Variants in HK3 observed in about 807,000 individuals in gnomAD.
HK3 encodes hexokinase 3.
In HK3, 93 loss-of-function variants were observed where a neutral mutation model predicts 91.0. The observed-to-expected ratio is 1.02, with a 90% CI of 0.86 to 1.21. The LOEUF is 1.21. Among genes scored for constraint, HK3 ranks in the 50% most tolerant of loss-of-function variants. The pLI is 0.00. For missense variants in HK3, 1,235 were observed against 1,247.4 expected (o/e 0.99, Z 0.15); for synonymous variants, 519 against 516.9 (o/e 1.00, Z -0.06).
rs759553780 is a variant in HK3, at chr5:176,889,458, A to T, written c.837T>A (p.Asp279Glu). 9.9e-6 allele frequency: 16 copies of T among 1,614,196 alleles called. No individual in the cohort carries two copies. The highest frequency in any genetic ancestry group is 1.3e-5 in the Non-Finnish European group (15 of 1,180,036). The part of the protein sequence containing the change: ...CVSVEWGSFS[D>E]DGALGPVLTT... ...TCAGCACTGGTCCCAGCGCCCCATCATCGCTGAAGGAGCCCCACTCGACGC... is the reference window on the plus strand; with the variant it reads ...TCAGCACTGGTCCCAGCGCCCCATCTTCGCTGAAGGAGCCCCACTCGACGC... The change falls in exon 8 of 19, where the codon GAT becomes GAA. Residue 279 changes from aspartate (D) to glutamate (E), a missense_variant. Asp to Glu is a conservative substitution (Grantham distance 45). Transcript: ENST00000292432.
chr5:176,892,506 G>GC (rs1013536889), intron 2 of HK3, among the ~76,000 whole-genome samples: 3 of 152,068 alleles, frequency 2.0e-5, no homozygotes, highest in East Asian at 3.9e-4. Context: ...TAGCTTAAGA[G>GC]CCCCAGGGAC....
rs1043518863 is a variant in HK3, at chr5:176,881,020, C to T, written c.*53G>A. ...GCCTGGCTGGGAAACAGGCAGACCC[C>T]GACCCGGCTCCAGCAAGGCTGCGGC... On this transcript the variant is annotated 3_prime_UTR_variant, in exon 19 of 19. Coordinates refer to ENST00000292432, the MANE Select transcript of HK3 (RefSeq NM_002115.3). The T allele has an allele frequency of 3.1e-5, 48 of 1,530,718 alleles. No individual in the cohort carries two copies. Among genetic ancestry groups the T allele is most frequent in the Non-Finnish European group, 4.2e-5 (48 of 1,140,810 alleles). 94.8% of individuals were successfully genotyped at this position (1,530,718 alleles called of 1,614,324 possible).
chr5:176,881,999 T>A lies in HK3; in HGVS notation c.2182A>T (p.Ser728Cys), dbSNP rs780992273. Residue 728 changes from serine to cysteine, a missense_variant, in exon 16 of 19, where the codon AGC (serine) becomes TGC (cysteine). Physicochemically the swap from Ser to Cys is moderately radical, Grantham distance 112. This residue lies in a region of HK3 where 513 missense variants were observed against 477.4 expected (regional missense o/e 1.07). Transcript: ENST00000292432. Reference protein sequence around the residue: ...FGDDGSLAMLSTRFDASVDQA... With the variant: ...FGDDGSLAMLCTRFDASVDQA... ...TCCACACTTGCATCAAAGCGGGTGC[T>A]GAGCATGGCCAGAGAGCCATCGTCC... 6.2e-7 allele frequency: 1 copy of A among 1,613,502 alleles called. No individual in the cohort carries two copies. Among genetic ancestry groups the A allele is most frequent in the Non-Finnish European group, 8.5e-7 (1 of 1,180,016 alleles).
intron 13 of HK3, among the ~76,000 whole-genome samples, chr5:176,886,344 T>C (rs1758583672): frequency 6.6e-6 from 1 of 151,410 alleles, no homozygotes; most frequent in Admixed American, 6.6e-5. Context: ...TGATCACAGG[T>C]GTCTAAGAAT....
chr5:176,883,777 G>A lies in HK3; in HGVS notation c.2046C>T (p.Leu682=), dbSNP rs761477115. ...GGGCAGGGCCCTCCTCACCGACAAT[G>A]AGGCCTATCTCGCAACGGGGGTCCT... ...GYEDPRCEIG[L]IVGTGTNACY... is the part of the protein sequence containing the mutation. The change falls in exon 15 of 19, where the codon CTC becomes CTT. Residue 682 remains leucine (L), a synonymous_variant. Coordinates refer to ENST00000292432, the MANE Select transcript of HK3 (RefSeq NM_002115.3). The A allele has an allele frequency of 5.6e-6, 9 of 1,613,438 alleles. No individual in the cohort carries two copies. Among genetic ancestry groups the A allele is most frequent in the Non-Finnish European group, 7.6e-6 (9 of 1,179,476 alleles).
At position 176,889,560 on chromosome 5, in the gene HK3, C is replaced by T. The variant is rs541785035; in HGVS notation, c.735G>A (p.Thr245=). 3.8e-5 allele frequency: 62 copies of T among 1,614,002 alleles called. No homozygotes were observed. Among genetic ancestry groups the T allele is most frequent in the East Asian group, 8.9e-5 (4 of 44,894 alleles). ...CCTCCATGTAACACGCGTTGGTGCC[C>T]GTGTCTGGCAGAGACAACCCTGTCA... ...RPCEVGLVVD[T]GTNACYMEEA... is the part of the protein sequence containing the mutation. Residue 245 remains threonine, a synonymous_variant, in exon 8 of 19, where the codon ACG becomes ACA. Transcript: ENST00000292432.
Position 176,881,509 on chromosome 5 carries a change from C to A in HK3, c.2420G>T (p.Arg807Leu). 1 of 1,604,012 alleles carries A rather than the reference C, an allele frequency of 6.2e-7. No homozygotes were observed. Among genetic ancestry groups the A allele is most frequent in the Non-Finnish European group, 8.5e-7 (1 of 1,178,558 alleles). Residue 807 changes from arginine to leucine, a missense_variant, in exon 18 of 19, where the codon CGA becomes CTA. Arg to Leu is a moderately radical substitution (Grantham distance 102, BLOSUM62 -2). Around this residue, in one of 3 missense-constraint regions of HK3, gnomAD observed 513 missense variants for 477.4 expected, o/e 1.07. Coordinates refer to ENST00000292432, the MANE Select transcript of HK3 (RefSeq NM_002115.3). ...ESDSLALRQV[R>L]AILEDLGLPL... ...TAGCCCCAGATCCTCTAGGATGGCT[C>A]GGACCTGCCGCAGGGCCAGGCTGTC...
chr5:176,890,125 C>T (rs1338715545), intron 6 of HK3, among the ~76,000 whole-genome samples: 1 of 152,214 alleles, frequency 6.6e-6, no homozygotes, highest in East Asian at 1.9e-4. Flanking sequence ...CTTCTCACCA[C>T]AAGAGGTTAG....
intron 2 of HK3, 90 bp downstream of exon 2, chr5:176,895,974 G>A (rs895977551): frequency 1.9e-6 from 2 of 1,034,690 alleles, no homozygotes; most frequent in African/African-American, 3.1e-5. Context: ...GGCTGCATGG[G>A]TGAGAGCCCA....
rs760956658 is a variant in HK3, at chr5:176,883,770, C to T, written c.2053G>A (p.Gly685Arg). ...CATGAAAGGGCAGGGCCCTCCTCAC[C>T]GACAATGAGGCCTATCTCGCAACGG... is the stretch of plus-strand genomic sequence containing the variant. ...DPRCEIGLIV[G>R]TGTNACYMEE... The change falls in exon 15 of 19, where the codon GGA becomes AGA. Residue 685 changes from glycine (G) to arginine (R), a missense_variant and splice_region_variant. Coordinates refer to ENST00000292432, the MANE Select transcript of HK3 (RefSeq NM_002115.3). The T allele has an allele frequency of 3.9e-5, 63 of 1,611,082 alleles. No individual in the cohort carries two copies. The highest frequency in any genetic ancestry group is 1.5e-4 in the Admixed American group (9 of 59,984).
intron 14 of HK3, 42 bp from the exon 15 acceptor site, chr5:176,883,911 C>A (rs755973686): frequency 5.0e-6 from 8 of 1,599,560 alleles, no homozygotes; most frequent in Admixed American, 3.3e-5. Context: ...GCAACGCGGT[C>A]GTCACAGCAA....
chr5:176,882,643 G>A (rs1758472628), intron 15 of HK3, among the ~76,000 whole-genome samples: 4 of 152,222 alleles, frequency 2.6e-5, no homozygotes, highest in Admixed American at 2.0e-4. Flanking sequence ...ACCAAGGAGA[G>A]CATCGTGGGA....
At position 176,886,981 on chromosome 5, in the gene HK3, C is replaced by A. The variant is rs2278494; in HGVS notation, c.1857+21G>T. ...GGGGGCAGGAGGCCCTTGGGAATCA[C>A]TTCTCTTGGCCCTCCCTCACCTGGT... On this transcript the variant is annotated intron_variant, in intron 13 of 18. Transcript: ENST00000292432. 5 of 1,613,536 alleles carry A rather than the reference C, an allele frequency of 3.1e-6. No homozygotes were observed. In the Admixed American group the frequency reaches 8.3e-5, roughly 27 times the overall value.
intron 2 of HK3, among the ~76,000 whole-genome samples, chr5:176,895,861 A>T (rs1318629306): frequency 6.6e-6 from 1 of 152,178 alleles, no homozygotes; most frequent in Non-Finnish European, 1.5e-5. Context: ...ACTTCTCTAT[A>T]TCCCTCTTCA....
At position 176,896,087 on chromosome 5, in the gene HK3, C is replaced by T. The variant is rs751050734; in HGVS notation, c.73G>A (p.Gly25Arg). Residue 25 changes from glycine (G) to arginine (R), a missense_variant, in exon 2 of 19, where the codon GGG becomes AGG. Coordinates refer to ENST00000292432, the MANE Select transcript of HK3 (RefSeq NM_002115.3). ...ACCAGCTCTGAGCTGTCTGAGGGCCCGGGCAAGCCCTCCTCAGAGCAACTC... is the reference window on the plus strand; with the variant it reads ...ACCAGCTCTGAGCTGTCTGAGGGCCTGGGCAAGCCCTCCTCAGAGCAACTC... ...TLSCSEEGLPGPSDSSELVQE... is the reference protein window; with the variant it reads ...TLSCSEEGLPRPSDSSELVQE... The T allele has an allele frequency of 1.6e-5, 26 of 1,613,514 alleles. No homozygotes were observed. The highest frequency in any genetic ancestry group is 1.6e-4 in the Middle Eastern group (1 of 6,080).
In HK3 at chr5:176,890,915, C is replaced by T. The variant is rs1339253828; in HGVS notation, c.441G>A (p.Leu147=). 3 of 1,614,076 alleles carry T rather than the reference C, an allele frequency of 1.9e-6. No homozygotes were observed. The highest frequency in any genetic ancestry group is 2.5e-6 in the Non-Finnish European group (3 of 1,180,042). ...QQLFDFAAHC[L]SEFLDAQPVN... Reference sequence around the variant, plus strand: ...CAGGCTGCGCATCCAGGAACTCAGACAGGCAGTGGGCAGCAAAGTCAAAGA... The same window carrying T: ...CAGGCTGCGCATCCAGGAACTCAGATAGGCAGTGGGCAGCAAAGTCAAAGA... Residue 147 remains leucine (L), a synonymous_variant, in exon 5 of 19, where the codon CTG becomes CTA. Transcript: ENST00000292432.
chr5:176,891,018 C>A lies in HK3; in HGVS notation c.414+19G>T, dbSNP rs780729297. On this transcript the variant is annotated intron_variant, in intron 4 of 18. Coordinates refer to ENST00000292432, the MANE Select transcript of HK3 (RefSeq NM_002115.3). The stretch of plus-strand genomic sequence containing the variant: ...CAGCCAGGCCCCCAGACCCCAGAGG[C>A]TGGGCAGTGAGTGCTTACCTGCTGG... 6.2e-7 allele frequency: 1 copy of A among 1,613,928 alleles called. No individual in the cohort carries two copies.
rs764686396 is a variant in HK3, at chr5:176,887,353, C to T, written c.1601-16G>A. On this transcript the variant is annotated splice_polypyrimidine_tract_variant and intron_variant, in intron 11 of 18. Transcript: ENST00000292432. This position sits in a 1 kb window ranked among gnomAD's most constrained non-coding sequence, Gnocchi z 4.9. ...TCCCCTCGCTCTGTGGGGGCAGAGACCCTCAGTGCCGGGATAGGGCTTGTG... is the reference window on the plus strand; with the variant it reads ...TCCCCTCGCTCTGTGGGGGCAGAGATCCTCAGTGCCGGGATAGGGCTTGTG... 1 of 1,613,760 alleles carries T rather than the reference C, an allele frequency of 6.2e-7. No homozygotes were observed. The highest frequency in any genetic ancestry group is 1.3e-5 in the African/African-American group (1 of 74,940).
In HK3 at chr5:176,890,825, G is replaced by C; in HGVS notation, c.531C>G (p.Asp177Glu). 6.2e-7 allele frequency: 1 copy of C among 1,614,136 alleles called. No individual in the cohort carries two copies. Among genetic ancestry groups the C allele is most frequent in the South Asian group, 1.1e-5 (1 of 91,078 alleles). Residue 177 changes from aspartate to glutamate, a missense_variant, in exon 5 of 19, where the codon GAC becomes GAG. Around this residue, in one of 3 missense-constraint regions of HK3, gnomAD observed 717 missense variants for 751.6 expected, o/e 0.95. Coordinates refer to ENST00000292432, the MANE Select transcript of HK3 (RefSeq NM_002115.3). The part of the protein sequence containing the change: ...FSFPCHQTGL[D>E]RSTLISWTKG... ...TCCCATGTCCACTCCACCTCACCCT[G>C]TCCAAGCCCGTCTGGTGACAAGGGA...
Sources: allele counts gnomAD v4.1 joint callset (sites outside exome capture counted in the v4.1 genomes callset), GRCh38; gene constraint gnomAD v4.1.1; regional missense constraint gnomAD v4.1.1; non-coding constraint Gnocchi (gnomAD v3.1); transcripts MANE v1.5; gene names NCBI Gene and HGNC (gene_info 2026-07-23, HGNC 2026-07-21).